The following FBXO34 variants were observed in gnomAD, a reference collection of about 807,000 sequenced individuals.
FBXO34 encodes F-box only protein 34.
A neutral mutation model predicts 24.5 loss-of-function variants in FBXO34; 12 were observed. The observed-to-expected ratio is 0.49, with a 90% CI of 0.31 to 0.79. FBXO34 has a LOEUF of 0.79. FBXO34 is among the 30% of genes least tolerant of loss of function. FBXO34 has a pLI of 0.04. For synonymous variants in FBXO34, 320 were observed against 311.9 expected, an observed-to-expected ratio of 1.03 and a Z score of -0.27; for missense variants, 823 against 857.7, an observed-to-expected ratio of 0.96 and a Z score of 0.51.
At chr14:55,370,041 C>T (rs1884779585), downstream of FBXO34, 2 of 986,986 alleles carry the variant, frequency 2.0e-6, no homozygotes, top group East Asian at 5.0e-5. Flanking sequence ...ACACCCCATT[C>T]ATTCCCCAAG....
At chr14:55,327,457 G>A (rs1334899764) in intron 1 of FBXO34, among the ~76,000 whole-genome samples, 1 of 152,160 alleles carries the variant, frequency 6.6e-6, no homozygotes, top group African/African-American at 2.4e-5. Context: ...TTAAAACAGG[G>A]TAGTAGCAGT....
chr14:55,333,009 A>G (rs1883651610), intron 1 of FBXO34, among the ~76,000 whole-genome samples: 1 of 152,138 alleles, frequency 6.6e-6, no homozygotes, highest in Non-Finnish European at 1.5e-5. Context: ...TCGATTTAAA[A>G]CATTCCTTCC....
rs1255587634 is a variant in FBXO34, at chr14:55,353,332, T to C, written c.*806T>C. 2 of 167,020 alleles carry C rather than the reference T, an allele frequency of 1.2e-5. No individual in the cohort carries two copies. Among genetic ancestry groups the C allele is most frequent in the Admixed American group, 6.5e-5 (1 of 15,276 alleles). The allele number at this position is 167,020 out of a possible 1,614,324, so 10.3% of individuals were successfully genotyped here. A position where few individuals can be genotyped will look rare whatever the true frequency, so the allele number is the denominator to read the frequency against. On this transcript the variant is annotated 3_prime_UTR_variant, in exon 2 of 2. Transcript: ENST00000313833. ...TTGTACATCTTGTATAAAATATGAA[T>C]GTTTCCCAAATAAACTATGAATGTT...
the FBXO34 span, among the ~76,000 whole-genome samples, chr14:55,427,827 C>CTA: frequency 2.9e-3 from 391 of 133,070 alleles, 1 homozygote; most frequent in Admixed American, 4.9e-3. Context: ...CGGGCTGCAG[C>CTA]TATATACACA....
the FBXO34 span, among the ~76,000 whole-genome samples, chr14:55,401,127 C>T: frequency 6.6e-6 from 1 of 152,096 alleles, no homozygotes; most frequent in South Asian, 2.1e-4. Context: ...GGCCTCCCAT[C>T]CCTCCCTCTG....
chr14:55,276,030 T>TA (rs1273746940), intron 1 of FBXO34, among the ~76,000 whole-genome samples: 1 of 152,154 alleles, frequency 6.6e-6, no homozygotes, highest in Admixed American at 6.5e-5. Flanking sequence ...CGGGCTTCCT[T>TA]AGAGGCAAGA....
chr14:55,282,419 C>A (rs1594723400), intron 1 of FBXO34: 1 of 286,352 alleles, frequency 3.5e-6, no homozygotes, highest in East Asian at 8.7e-5. Flanking sequence ...CACGATAGGC[C>A]CTGCTGACAT....
the FBXO34 span, among the ~76,000 whole-genome samples, chr14:55,417,226 G>A: frequency 1.2e-3 from 180 of 152,186 alleles, no homozygotes; most frequent in African/African-American, 4.0e-3. Context: ...GCGTGTAACC[G>A]GTGTTCCTTC....
chr14:55,391,193 T>C, the FBXO34 span: 17 of 457,150 alleles, frequency 3.7e-5, no homozygotes, highest in African/African-American at 3.1e-4. Flanking sequence ...AAAGAGAAAT[T>C]AGGCCAGTGC....
At chr14:55,439,101 C>T in the FBXO34 span, among the ~76,000 whole-genome samples, 3 of 151,778 alleles carry the variant, frequency 2.0e-5, no homozygotes, top group Non-Finnish European at 4.4e-5. Context: ...CCACGCCCAG[C>T]TAATTTTTGT....
the FBXO34 span, among the ~76,000 whole-genome samples, chr14:55,383,079 G>A: frequency 2.0e-5 from 3 of 152,116 alleles, no homozygotes; most frequent in Admixed American, 6.5e-5. Context: ...CTAGTTCAGC[G>A]TGCAGCTCAG....
chr14:55,291,819 C>G (rs1029805400), intron 1 of FBXO34, among the ~76,000 whole-genome samples: 1 of 152,000 alleles, frequency 6.6e-6, no homozygotes. Context: ...AAAAAAATAG[C>G]TGGGCATAGT....
intron 1 of FBXO34, among the ~76,000 whole-genome samples, chr14:55,283,335 A>T (rs931780901): frequency 6.6e-6 from 1 of 152,124 alleles, no homozygotes; most frequent in Non-Finnish European, 1.5e-5. Flanking sequence ...ATTTATTACA[A>T]CCTATTTTAT....
chr14:55,390,941 T>C, the FBXO34 span: 7 of 1,604,736 alleles, frequency 4.4e-6, no homozygotes, highest in South Asian at 1.1e-5. Context: ...CCTTTACATA[T>C]TGTTTGTTTT....
At chr14:55,353,676 G>C (rs750438865), downstream of FBXO34, 1 of 166,576 alleles carries the variant, frequency 6.0e-6, no homozygotes, top group Non-Finnish European at 1.5e-5. Flanking sequence ...CTTGTGAATT[G>C]AATCATAAGA....
downstream of FBXO34, chr14:55,354,693 A>C (rs1311390506): frequency 6.6e-6 from 1 of 152,274 alleles, no homozygotes; most frequent in Admixed American, 6.5e-5. Flanking sequence ...TGCTGTCTGC[A>C]TGAAAGGTGG....
the FBXO34 span, among the ~76,000 whole-genome samples, chr14:55,433,309 CTTTTTTT>C: frequency 5.9e-3 from 706 of 119,882 alleles, 10 homozygotes; most frequent in East Asian, 0.05. Flanking sequence ...TTAGATTTCT[CTTTTTTT>C]TTTTTTTTTT....
At chr14:55,395,885 C>A in the FBXO34 span, 1 of 1,291,324 alleles carries the variant, frequency 7.7e-7, no homozygotes, top group South Asian at 1.7e-5. Flanking sequence ...TTTATAAGCT[C>A]TACCAACTTA....
intron 1 of FBXO34, chr14:55,282,371 C>T (rs1476071883): frequency 4.6e-6 from 2 of 431,912 alleles, no homozygotes; most frequent in Non-Finnish European, 9.3e-6. Context: ...GGAAGGCACC[C>T]TTGATCCTGT....
Sources: gnomAD v4.1 joint callset for allele counts (sites outside exome capture counted in the v4.1 genomes callset) on GRCh38, gnomAD v4.1.1 for gene constraint, MANE v1.5 for transcripts, NCBI Gene and HGNC (gene_info 2026-07-23, HGNC 2026-07-21) for gene names.